ADGRL2: variants seen among roughly 807,000 people sequenced by gnomAD.
ADGRL2 encodes the protein calcium-independent alpha-latrotoxin receptor 2.
ADGRL2 carries 44 observed loss-of-function variants against 157.4 expected under a neutral mutation model. That is an observed-to-expected ratio of 0.28 (90% confidence interval 0.22 to 0.36). The LOEUF (loss-of-function observed/expected upper bound fraction) is 0.36, where lower values mean the gene tolerates loss of function less well. ADGRL2 is among the 10% of genes least tolerant of loss of function. ADGRL2 has a pLI of 1.00. For synonymous variants in ADGRL2, 585 were observed against 624.7 expected (o/e 0.94, Z 0.95); for missense variants, 1,510 against 1,768.9 (o/e 0.85, Z 2.63).
chr1:81,438,545 G>A (rs1001910364), intron 1 of ADGRL2, among the ~76,000 whole-genome samples: 1 of 152,132 alleles, frequency 6.6e-6, no homozygotes. Context: ...CCAATATGGT[G>A]AATATCAGTA....
intron 3 of ADGRL2, among the ~76,000 whole-genome samples, chr1:81,600,109 T>C (rs1422508642): frequency 6.6e-6 from 1 of 152,236 alleles, no homozygotes; most frequent in Admixed American, 6.5e-5. Context: ...TAATATGTGA[T>C]GCTATTTTCA....
At chr1:81,844,769 T>G (rs565526719) in intron 2 of ADGRL2, among the ~76,000 whole-genome samples, 2 of 152,268 alleles carry the variant, frequency 1.3e-5, no homozygotes, top group African/African-American at 4.8e-5. Flanking sequence ...AATGTAAAGC[T>G]GAGAAGGGAA....
chr1:81,986,998 T>C lies in ADGRL2; in HGVS notation c.3606T>C (p.Asn1202=), dbSNP rs1266909600. 2 of 1,611,732 alleles carry C rather than the reference T, an allele frequency of 1.2e-6. No individual in the cohort carries two copies. Among genetic ancestry groups the C allele is most frequent in the Non-Finnish European group, 8.5e-7 (1 of 1,179,232 alleles). ...TGCTCGCTGAAACAGTTGTATGTAA[T>C]GCCCCTTCAGCTCCTGTATTTAACT... ...NTLLAETVVC[N]APSAPVFNSP... is the part of the protein sequence containing the mutation. Residue 1202 remains asparagine (N), a synonymous_variant, in exon 22 of 24, where the codon AAT becomes AAC. Coordinates refer to ENST00000686636, the MANE Select transcript of ADGRL2 (RefSeq NM_001366006.2).
chr1:81,666,498 T>C (rs1557549535), intron 3 of ADGRL2, among the ~76,000 whole-genome samples: 1 of 152,294 alleles, frequency 6.6e-6, no homozygotes, highest in South Asian at 2.1e-4. Flanking sequence ...TCATTTCTTC[T>C]CCTCTTATTA....
intron 1 of ADGRL2, among the ~76,000 whole-genome samples, chr1:81,405,159 G>A (rs1326892671): frequency 6.6e-6 from 1 of 152,162 alleles, no homozygotes; most frequent in Non-Finnish European, 1.5e-5. Context: ...TGCAAGTGTA[G>A]CATGAGGAAT....
At chr1:81,866,205 A>G (rs1461587669) in intron 2 of ADGRL2, among the ~76,000 whole-genome samples, 1 of 152,110 alleles carries the variant, frequency 6.6e-6, no homozygotes, top group Non-Finnish European at 1.5e-5. Context: ...GGCTTGTCAT[A>G]TCACTGACTT....
intron 2 of ADGRL2, among the ~76,000 whole-genome samples, chr1:81,501,002 A>C (rs1172069239): frequency 6.6e-6 from 1 of 152,158 alleles, no homozygotes; most frequent in Non-Finnish European, 1.5e-5. Context: ...TGGGTCTCGA[A>C]TTGGATGGTA....
chr1:81,371,059 T>C (rs2076152770), intron 1 of ADGRL2, among the ~76,000 whole-genome samples: 1 of 152,152 alleles, frequency 6.6e-6, no homozygotes, highest in Admixed American at 6.6e-5. Flanking sequence ...AGGCAGACAT[T>C]ACTGAAAAGG....
At chr1:81,906,937 T>C in intron 2 of ADGRL2, 80 bp from the exon 3 acceptor site, 2 of 1,124,662 alleles carry the variant, frequency 1.8e-6, no homozygotes, top group Admixed American at 2.0e-5. Flanking sequence ...ACATGAATCA[T>C]ATTACTTGAA....
intron 3 of ADGRL2, among the ~76,000 whole-genome samples, chr1:81,926,817 A>G (rs749593267): frequency 6.6e-5 from 10 of 152,030 alleles, no homozygotes; most frequent in African/African-American, 9.7e-5. Flanking sequence ...TTTATGTTGA[A>G]TGTGCATTTC....
chr1:81,538,020 A>G (rs1164408214), intron 2 of ADGRL2, among the ~76,000 whole-genome samples: 1 of 152,174 alleles, frequency 6.6e-6, no homozygotes, highest in East Asian at 1.9e-4. Flanking sequence ...GATTACAGGA[A>G]AAGATAGGAA....
intron 1 of ADGRL2, among the ~76,000 whole-genome samples, chr1:81,346,806 C>T (rs1252256103): frequency 6.6e-6 from 1 of 152,168 alleles, no homozygotes; most frequent in Non-Finnish European, 1.5e-5. Flanking sequence ...CAGTCTATGG[C>T]ATTTTGTTAT....
chr1:81,922,196 G>A (rs1316086325), intron 3 of ADGRL2, among the ~76,000 whole-genome samples: 1 of 152,086 alleles, frequency 6.6e-6, no homozygotes, highest in Non-Finnish European at 1.5e-5. Context: ...TGGCCTGAGA[G>A]GGGAAAAAAT....
chr1:81,958,635 T>G lies in ADGRL2; in HGVS notation c.2017+2575T>G, dbSNP rs746480160. Among the ~76,000 whole-genome samples, 127 of 152,178 alleles carry G rather than the reference T, an allele frequency of 8.3e-4. 1 individual carries two copies. Among genetic ancestry groups the G allele is most frequent in the Non-Finnish European group, 1.6e-3 (107 of 68,028 alleles). On this transcript the variant is annotated intron_variant, in intron 11 of 23. Transcript: ENST00000686636. ...TATCTAATTGTGACATTTAAAAACTTGGAGGTATAATTTAAAATATGCAAT... is the reference window on the plus strand; with the variant it reads ...TATCTAATTGTGACATTTAAAAACTGGGAGGTATAATTTAAAATATGCAAT...
At chr1:81,890,931 A>G (rs1303418901) in intron 2 of ADGRL2, among the ~76,000 whole-genome samples, 1 of 151,892 alleles carries the variant, frequency 6.6e-6, no homozygotes, top group Non-Finnish European at 1.5e-5. Flanking sequence ...TTGTTCATCT[A>G]CTCACCTTAA....
chr1:81,654,899 C>T (rs74525265), intron 3 of ADGRL2, among the ~76,000 whole-genome samples: 4,299 of 152,280 alleles, frequency 0.028, 209 homozygotes, highest in South Asian at 0.15. Context: ...CTTGCCTCAG[C>T]CTCCTCACCT....
intron 2 of ADGRL2, among the ~76,000 whole-genome samples, chr1:81,494,439 A>G (rs2078692696): frequency 6.6e-6 from 1 of 152,074 alleles, no homozygotes; most frequent in Non-Finnish European, 1.5e-5. Context: ...CAACTTTCCC[A>G]TCATCTGCAA....
At position 81,978,306 on chromosome 1, in the gene ADGRL2, C is replaced by T. The variant is rs190757164; in HGVS notation, c.3022-1563C>T. Among the ~76,000 whole-genome samples, 55 of 151,602 alleles carry T rather than the reference C, an allele frequency of 3.6e-4. No homozygotes were observed. In the East Asian group the frequency reaches 9.9e-3, roughly 27 times the overall value. ...GAAATGTATCATATTGTAACATCTC[C>T]GAAAATTCAAGCATTTATTTATATT... is the stretch of plus-strand genomic sequence containing the variant. On this transcript the variant is annotated intron_variant, in intron 17 of 23. Coordinates refer to ENST00000686636, the MANE Select transcript of ADGRL2 (RefSeq NM_001366006.2).
chr1:81,826,867 C>T (rs2091529680), intron 1 of ADGRL2, among the ~76,000 whole-genome samples: 1 of 152,060 alleles, frequency 6.6e-6, no homozygotes, highest in South Asian at 2.1e-4. Flanking sequence ...AATTTGTAAC[C>T]TTCTCCACTC....
Sources: gnomAD v4.1 joint callset for allele counts (sites outside exome capture counted in the v4.1 genomes callset) on GRCh38, gnomAD v4.1.1 for gene constraint, MANE v1.5 for transcripts, NCBI Gene and HGNC (gene_info 2026-07-23, HGNC 2026-07-21) for gene names.